The following CHST9 variants were observed in gnomAD, a reference collection of about 807,000 sequenced individuals.
The protein encoded by CHST9 is carbohydrate sulfotransferase 9, also known as GalNAc-4-sulfotransferase 2.
A neutral mutation model predicts 44.4 loss-of-function variants in CHST9; 41 were observed. The observed-to-expected ratio is 0.92, with a 90% CI of 0.72 to 1.20. CHST9 has a LOEUF of 1.20. CHST9 is among the 50% of genes most tolerant of loss of function. The pLI is 0.00. For synonymous variants in CHST9, 171 were observed against 178.4 expected (o/e 0.96, Z 0.33); for missense variants, 504 against 516.5 (o/e 0.98, Z 0.23).
chr18:27,146,436 A>G (rs986946060), intron 1 of CHST9, among the ~76,000 whole-genome samples: 3 of 152,218 alleles, frequency 2.0e-5, no homozygotes, highest in African/African-American at 2.4e-5. Flanking sequence ...AGGTGGTAGG[A>G]GCAGCAGGAT....
rs1192060561 is a variant in CHST9, at chr18:27,177,630, C to T, written c.-97+7506G>A. On this transcript the variant is annotated intron_variant, in intron 1 of 5. Coordinates refer to ENST00000618847, the MANE Select transcript of CHST9 (RefSeq NM_031422.6). ...GAGCCTTCTGAAATTTCTTTTACCA[C>T]ATTAGCTGGGTATATTTTTCCTTTT... Among the ~76,000 whole-genome samples the T allele has an allele frequency of 2.6e-5, 4 of 151,942 alleles. No homozygotes were observed. The East Asian group carries it at 7.7e-4, about 29-fold the overall frequency.
At chr18:27,032,960 G>T (rs1465663033) in intron 3 of CHST9, among the ~76,000 whole-genome samples, 1 of 152,144 alleles carries the variant, frequency 6.6e-6, no homozygotes, top group Non-Finnish European at 1.5e-5. Flanking sequence ...TTTAAAATTA[G>T]TTTCATATCC....
intron 3 of CHST9, among the ~76,000 whole-genome samples, chr18:27,047,051 G>A (rs540883100): frequency 3.9e-4 from 59 of 152,126 alleles, no homozygotes; most frequent in African/African-American, 1.4e-3. Context: ...GAAAAGAAAC[G>A]TTAGCATGGT....
intron 4 of CHST9, among the ~76,000 whole-genome samples, chr18:26,964,396 T>C (rs542078318): frequency 2.0e-5 from 3 of 152,352 alleles, no homozygotes; most frequent in Non-Finnish European, 2.9e-5. Context: ...TTCAAACAAA[T>C]AGGACTTCAA....
At chr18:27,007,761 C>T (rs2057033889) in intron 4 of CHST9, among the ~76,000 whole-genome samples, 3 of 152,008 alleles carry the variant, frequency 2.0e-5, no homozygotes, top group Admixed American at 1.3e-4. Flanking sequence ...ATCAACCATT[C>T]GCAAGTGCAA....
chr18:26,978,004 C>G (rs189023769), intron 4 of CHST9, among the ~76,000 whole-genome samples: 1 of 151,818 alleles, frequency 6.6e-6, no homozygotes, highest in Non-Finnish European at 1.5e-5. Flanking sequence ...TTTGTAGATG[C>G]AGGCAGAAAG....
intron 4 of CHST9, among the ~76,000 whole-genome samples, chr18:26,972,357 C>CA (rs887066938): frequency 0.09 from 5,519 of 61,268 alleles, 103 homozygotes; most frequent in African/African-American, 0.1. Flanking sequence ...ACTCCAACTC[C>CA]AAAAAAAAAA....
At chr18:27,057,086 G>C (rs2057665164) in intron 2 of CHST9, among the ~76,000 whole-genome samples, 1 of 152,160 alleles carries the variant, frequency 6.6e-6, no homozygotes, top group Non-Finnish European at 1.5e-5. Flanking sequence ...GAAGAGAAAG[G>C]GAGAGCTGCT....
At chr18:26,932,694 A>G (rs1292571047) in intron 5 of CHST9, among the ~76,000 whole-genome samples, 1 of 152,084 alleles carries the variant, frequency 6.6e-6, no homozygotes, top group African/African-American at 2.4e-5. Flanking sequence ...AAGAACATTT[A>G]TTTCCTGCCA....
At chr18:27,017,706 G>A (rs974584249) in intron 4 of CHST9, among the ~76,000 whole-genome samples, 1 of 152,134 alleles carries the variant, frequency 6.6e-6, no homozygotes, top group Non-Finnish European at 1.5e-5. Flanking sequence ...CTTATTTTGG[G>A]TGGCTGGTAC....
intron 2 of CHST9, among the ~76,000 whole-genome samples, chr18:27,074,955 G>A (rs1488790703): frequency 6.7e-6 from 1 of 148,586 alleles, no homozygotes; most frequent in African/African-American, 2.5e-5. Context: ...ATAGTATATA[G>A]TCACCAAATA....
intron 2 of CHST9, among the ~76,000 whole-genome samples, chr18:27,054,174 T>C (rs1478728666): frequency 1.3e-5 from 2 of 152,332 alleles, no homozygotes; most frequent in East Asian, 3.9e-4. Flanking sequence ...ACTGCTAAAA[T>C]GCAGTGAAAG....
rs2055430679 is a variant in CHST9, at chr18:26,910,816, T to G, written c.*5443A>C. On this transcript the variant is annotated 3_prime_UTR_variant, in exon 6 of 6. Coordinates refer to ENST00000618847, the MANE Select transcript of CHST9 (RefSeq NM_031422.6). ...ACTCGACTTTGATTTTTTTGAAAGC[T>G]ACTTTTGGAAACGGTTAGACTTACT... 1 of 152,210 alleles carries G rather than the reference T, an allele frequency of 6.6e-6. No homozygotes were observed. The highest frequency in any genetic ancestry group is 2.4e-5 in the African/African-American group (1 of 41,448). 9.4% of individuals were successfully genotyped at this position (152,210 alleles called of 1,614,324 possible).
At chr18:27,163,125 G>C (rs1177751200) in intron 1 of CHST9, among the ~76,000 whole-genome samples, 1 of 152,194 alleles carries the variant, frequency 6.6e-6, no homozygotes, top group Non-Finnish European at 1.5e-5. Flanking sequence ...CTGCAGAACA[G>C]TGGATATTGG....
At chr18:26,969,366 C>CTGTGTGTGTGTGTGTG (rs1247934551) in intron 4 of CHST9, among the ~76,000 whole-genome samples, 9 of 99,404 alleles carry the variant, frequency 9.1e-5, no homozygotes, top group African/African-American at 6.0e-4. Context: ...TTGATTCTCT[C>CTGTGTGTGTGTGTGTG]TCTCTCTCTC....
intron 2 of CHST9, among the ~76,000 whole-genome samples, chr18:27,084,823 TG>T (rs1334302140): frequency 6.6e-6 from 1 of 152,096 alleles, no homozygotes; most frequent in Admixed American, 6.6e-5. Flanking sequence ...CTGCTTTAGC[TG>T]TGTCCAGAGA....
chr18:26,952,360 C>A, intron 4 of CHST9: 1 of 482,706 alleles, frequency 2.1e-6, no homozygotes, highest in Non-Finnish European at 4.1e-6. Flanking sequence ...GACTCCTGGG[C>A]AATTGGGACA....
intron 2 of CHST9, among the ~76,000 whole-genome samples, chr18:27,075,276 G>A (rs2057891757): frequency 6.6e-6 from 1 of 151,208 alleles, no homozygotes; most frequent in Non-Finnish European, 1.5e-5. Context: ...CAACCAGATA[G>A]CAAACATACT....
chr18:27,117,650 C>G (rs1049364876), intron 2 of CHST9, among the ~76,000 whole-genome samples: 3 of 152,060 alleles, frequency 2.0e-5, no homozygotes, highest in Non-Finnish European at 2.9e-5. Context: ...CAGTATGTAG[C>G]CTTTTCAGAT....
Sources: gnomAD v4.1 joint callset for allele counts (sites outside exome capture counted in the v4.1 genomes callset) on GRCh38, gnomAD v4.1.1 for gene constraint, MANE v1.5 for transcripts, NCBI Gene and HGNC (gene_info 2026-07-23, HGNC 2026-07-21) for gene names.